The following PLEKHA5 variants were observed in gnomAD, a reference collection of about 807,000 sequenced individuals.
PLEKHA5 encodes pleckstrin homology domain containing A5.
PLEKHA5 carries 55 observed loss-of-function variants against 181.9 expected under a neutral mutation model. The ratio of observed to expected loss-of-function variants is 0.30; its 90% CI spans 0.24 to 0.38. PLEKHA5 has a LOEUF of 0.38. Among genes scored for constraint, PLEKHA5 ranks in the 10% least tolerant of loss-of-function variants. PLEKHA5 has a pLI of 1.00. For missense variants in PLEKHA5, 1,432 were observed against 1,549.5 expected, an observed-to-expected ratio of 0.92 and a Z score of 1.27; for synonymous variants, 535 against 529.4, an observed-to-expected ratio of 1.01 and a Z score of -0.15.
intron 21 of PLEKHA5, among the ~76,000 whole-genome samples, chr12:19,342,310 A>G (rs549773409): frequency 3.6e-4 from 55 of 152,224 alleles, no homozygotes; most frequent in African/African-American, 1.3e-3. Context: ...ATGTAATCTT[A>G]TTTTGGTTTC....
intron 12 of PLEKHA5, among the ~76,000 whole-genome samples, chr12:19,285,844 A>G (rs913100506): frequency 4.6e-5 from 7 of 152,254 alleles, no homozygotes; most frequent in Non-Finnish European, 8.8e-5. Flanking sequence ...AAGCATTTCT[A>G]TGGCATACCA....
At chr12:19,178,527 A>G (rs911405055) in intron 3 of PLEKHA5, among the ~76,000 whole-genome samples, 1 of 152,204 alleles carries the variant, frequency 6.6e-6, no homozygotes, top group African/African-American at 2.4e-5. Context: ...AAGTAATAAC[A>G]TTGATAAAAT....
intron 3 of PLEKHA5, among the ~76,000 whole-genome samples, chr12:19,213,280 G>A (rs181495626): frequency 6.9e-6 from 1 of 144,620 alleles, no homozygotes; most frequent in East Asian, 2.0e-4. Context: ...AGGATGAATA[G>A]GCATTTGCTA....
intron 9 of PLEKHA5, 33 bp downstream of exon 9, chr12:19,269,918 C>A (rs777606381): frequency 8.9e-7 from 1 of 1,125,672 alleles, no homozygotes; most frequent in Non-Finnish European, 1.4e-6. Flanking sequence ...ATGGTGATTT[C>A]CACTTCCATT....
intron 15 of PLEKHA5, among the ~76,000 whole-genome samples, chr12:19,314,364 A>G (rs2087729812): frequency 6.6e-6 from 1 of 152,158 alleles, no homozygotes; most frequent in Non-Finnish European, 1.5e-5. Flanking sequence ...ATTATATTTT[A>G]ATACTTGTAG....
At chr12:19,132,552 G>GT in intron 3 of PLEKHA5, 102 bp downstream of exon 3, 1 of 686,626 alleles carries the variant, frequency 1.5e-6, no homozygotes, top group South Asian at 1.7e-5. Flanking sequence ...ATTTTCTGAA[G>GT]TTTATCATAT....
intron 19 of PLEKHA5, 59 bp from the exon 20 acceptor site, chr12:19,322,459 G>A (rs1186609823): frequency 3.8e-6 from 6 of 1,571,480 alleles, no homozygotes; most frequent in Non-Finnish European, 3.5e-6. Context: ...ACACTGATAA[G>A]TAAAAAGAAT....
At position 19,255,028 on chromosome 12, in the gene PLEKHA5, T is replaced by C. The variant is rs776203504; in HGVS notation, c.312-17T>C. The C allele has an allele frequency of 1.3e-6, 2 of 1,595,096 alleles. No homozygotes were observed. Among genetic ancestry groups the C allele is most frequent in the South Asian group, 2.3e-5 (2 of 88,510 alleles). ...TACATACACAGCAAGTTCTAGCATT[T>C]TGACATATATTTTCAGGACTGTTGC... On this transcript the variant is annotated splice_polypyrimidine_tract_variant and intron_variant, in intron 4 of 31. Transcript: ENST00000429027.
In PLEKHA5 at chr12:19,325,687, C is replaced by CA. The variant is rs34857231; in HGVS notation, c.2448+3033dup. ...TGGGCGACAGAGCGAGACTCTGTCT[C>CA]AAAAAAAAAAAAATAGTAATAATAA... On this transcript the variant is annotated intron_variant, in intron 20 of 31. Transcript: ENST00000429027. 4.7e-4 allele frequency among the ~76,000 whole-genome samples: 64 copies of CA among 135,560 alleles called. No homozygotes were observed. In the East Asian group the frequency reaches 8.5e-3, roughly 18 times the overall value. 88.9% of individuals were successfully genotyped at this position (135,560 alleles called of 152,430 possible).
chr12:19,181,001 TTA>T (rs1228235775), intron 3 of PLEKHA5, among the ~76,000 whole-genome samples: 3 of 151,308 alleles, frequency 2.0e-5, no homozygotes, highest in Non-Finnish European at 4.4e-5. Context: ...TTCTAAAGTT[TTA>T]TATGTTTCAC....
At chr12:19,281,780 G>GT (rs1252602105) in intron 11 of PLEKHA5, among the ~76,000 whole-genome samples, 1 of 151,488 alleles carries the variant, frequency 6.6e-6, no homozygotes, top group Non-Finnish European at 1.5e-5. Flanking sequence ...TGTTGTTGTT[G>GT]TTGTTGTTGT....
chr12:19,189,930 T>C (rs953457774), intron 3 of PLEKHA5, among the ~76,000 whole-genome samples: 1 of 152,248 alleles, frequency 6.6e-6, no homozygotes, highest in Non-Finnish European at 1.5e-5. Context: ...CTTTCTATTC[T>C]TGATCTCATT....
intron 31 of PLEKHA5, among the ~76,000 whole-genome samples, chr12:19,373,890 A>C (rs891029322): frequency 1.3e-5 from 2 of 152,090 alleles, no homozygotes; most frequent in Admixed American, 6.6e-5. Flanking sequence ...TCAGAGTTAA[A>C]ACTCAAGTAT....
chr12:19,171,923 A>T (rs2045985202), intron 3 of PLEKHA5, among the ~76,000 whole-genome samples: 1 of 152,124 alleles, frequency 6.6e-6, no homozygotes, highest in Non-Finnish European at 1.5e-5. Flanking sequence ...ATCTTGTCCC[A>T]CTGTAAGATC....
chr12:19,168,216 C>G (rs1565892099), intron 3 of PLEKHA5, among the ~76,000 whole-genome samples: 1 of 152,256 alleles, frequency 6.6e-6, no homozygotes, highest in Middle Eastern at 3.4e-3. Context: ...GAATCACCTT[C>G]TGGCTGCCAT....
chr12:19,365,025 C>T (rs2095380996), intron 29 of PLEKHA5, among the ~76,000 whole-genome samples: 1 of 152,064 alleles, frequency 6.6e-6, no homozygotes, highest in Non-Finnish European at 1.5e-5. Flanking sequence ...TGACACCCAC[C>T]TAATGAAGTG....
chr12:19,289,452 C>T (rs2077921148), intron 13 of PLEKHA5, among the ~76,000 whole-genome samples: 1 of 149,726 alleles, frequency 6.7e-6, no homozygotes, highest in Non-Finnish European at 1.5e-5. Flanking sequence ...ACAAACCAAT[C>T]TTGGGAATAC....
chr12:19,135,984 A>G (rs2035531718), intron 3 of PLEKHA5, among the ~76,000 whole-genome samples: 1 of 150,130 alleles, frequency 6.7e-6, no homozygotes, highest in Non-Finnish European at 1.5e-5. Context: ...GGCTTAAGCG[A>G]TCCTCCCACC....
chr12:19,249,042 G>C (rs1592199104), intron 3 of PLEKHA5, among the ~76,000 whole-genome samples: 1 of 152,148 alleles, frequency 6.6e-6, no homozygotes, highest in East Asian at 1.9e-4. Context: ...TTATAAATTA[G>C]GCACAGTGGG....
Sources: allele counts gnomAD v4.1 joint callset (sites outside exome capture counted in the v4.1 genomes callset), GRCh38; gene constraint gnomAD v4.1.1; transcripts MANE v1.5; gene names NCBI Gene and HGNC (gene_info 2026-07-23, HGNC 2026-07-21).